The following KPNA4 variants were observed in gnomAD, a reference collection of about 807,000 sequenced individuals.
KPNA4 encodes the protein karyopherin subunit alpha 4.
In KPNA4, 13 loss-of-function variants were observed where a neutral mutation model predicts 71.3. The observed-to-expected ratio is 0.18, with a 90% confidence interval of 0.12 to 0.29. The LOEUF is 0.29. Ranked by LOEUF, KPNA4 falls within the 10% of genes least tolerant of loss-of-function variation. The pLI, the probability that KPNA4 is intolerant of heterozygous loss-of-function variation, is 1.00. For synonymous variants in KPNA4, 189 were observed against 195.2 expected (o/e 0.97, Z 0.26); for missense variants, 334 against 603.2 (o/e 0.55, Z 4.67).
At chr3:160,523,780 G>T (rs1721406474) in intron 10 of KPNA4, among the ~76,000 whole-genome samples, 1 of 152,148 alleles carries the variant, frequency 6.6e-6, no homozygotes, top group Admixed American at 6.5e-5. Flanking sequence ...GAACCCAGGA[G>T]GCAGAGGTTG....
intron 1 of KPNA4, among the ~76,000 whole-genome samples, chr3:160,551,481 AG>A (rs1315600410): frequency 1.3e-5 from 2 of 152,176 alleles, no homozygotes; most frequent in Non-Finnish European, 2.9e-5. Flanking sequence ...AGAAACGGCA[AG>A]GTAAAGGGGA....
intron 1 of KPNA4, among the ~76,000 whole-genome samples, chr3:160,537,894 A>G (rs1457159885): frequency 6.6e-6 from 1 of 151,932 alleles, no homozygotes; most frequent in Admixed American, 6.6e-5. Flanking sequence ...CCAACGTACC[A>G]TTATCTCTCA....
chr3:160,502,293 A>C, intron 16 of KPNA4, 91 bp from the exon 17 acceptor site: 1 of 487,134 alleles, frequency 2.1e-6, no homozygotes, highest in Non-Finnish European at 3.4e-6. Flanking sequence ...CCTTAAAAAA[A>C]GGTCTGGAGA....
Position 160,502,047 on chromosome 3 carries a change from C to A in KPNA4, c.*57G>T. The stretch of plus-strand genomic sequence containing the variant: ...GTATATATATATATATATACACACA[C>A]ACATATATATATATATATCTCAGTG... On this transcript the variant is annotated 3_prime_UTR_variant, in exon 17 of 17. Coordinates refer to ENST00000334256, the MANE Select transcript of KPNA4 (RefSeq NM_002268.5). 1 of 593,562 alleles carries A rather than the reference C, an allele frequency of 1.7e-6. No individual in the cohort carries two copies. The highest frequency in any genetic ancestry group is 2.8e-6 in the Non-Finnish European group (1 of 353,348). 36.8% of individuals were successfully genotyped at this position (593,562 alleles called of 1,614,324 possible).
chr3:160,523,149 A>G (rs751703411), intron 10 of KPNA4, among the ~76,000 whole-genome samples: 1 of 152,238 alleles, frequency 6.6e-6, no homozygotes, highest in Non-Finnish European at 1.5e-5. Flanking sequence ...CTGTGTCAAG[A>G]CAAGCTGGAG....
intron 1 of KPNA4, among the ~76,000 whole-genome samples, chr3:160,539,101 C>T (rs1721745858): frequency 6.6e-6 from 1 of 152,176 alleles, no homozygotes; most frequent in East Asian, 1.9e-4. Flanking sequence ...ACCTGCAGTG[C>T]TCAGTTCCTT....
At chr3:160,528,851 CTTCT>C (rs1021757421) in intron 7 of KPNA4, among the ~76,000 whole-genome samples, 5 of 152,228 alleles carry the variant, frequency 3.3e-5, no homozygotes, top group Non-Finnish European at 7.3e-5. Flanking sequence ...TTCTTCTTTC[CTTCT>C]GATATTACTT....
chr3:160,562,346 A>G (rs1722259549), intron 1 of KPNA4, among the ~76,000 whole-genome samples: 1 of 152,214 alleles, frequency 6.6e-6, no homozygotes, highest in Non-Finnish European at 1.5e-5. Flanking sequence ...TCACTGGTCC[A>G]TACTTCTTTC....
chr3:160,528,999 G>A (rs1444330764), intron 7 of KPNA4, among the ~76,000 whole-genome samples: 1 of 152,094 alleles, frequency 6.6e-6, no homozygotes, highest in East Asian at 1.9e-4. Flanking sequence ...GTCACCACAG[G>A]TCACTGCAGC....
intron 5 of KPNA4, among the ~76,000 whole-genome samples, chr3:160,533,330 A>G (rs1254992215): frequency 6.6e-6 from 1 of 151,864 alleles, no homozygotes. Flanking sequence ...CCAGCCCCCT[A>G]TTTTTTAAAA....
chr3:160,535,546 T>C lies in KPNA4; in HGVS notation c.254A>G (p.Gln85Arg). 6.2e-7 allele frequency: 1 copy of C among 1,601,956 alleles called. No homozygotes were observed. Among genetic ancestry groups the C allele is most frequent in the Non-Finnish European group, 8.5e-7 (1 of 1,173,694 alleles). ...TTGAACTGCACTTAATTGAATTCCT[T>C]GGTTATCACTTGAAGCATTCTATAA... ...AIVQNASSDNQGIQLSAVQAA... is the reference protein window; with the variant it reads ...AIVQNASSDNRGIQLSAVQAA... The change falls in exon 5 of 17, where the codon CAA (glutamine) becomes CGA (arginine). Residue 85 changes from glutamine to arginine, a missense_variant. Transcript: ENST00000334256.
At chr3:160,523,659 C>T (rs566036881) in intron 10 of KPNA4, among the ~76,000 whole-genome samples, 1 of 152,146 alleles carries the variant, frequency 6.6e-6, no homozygotes, top group East Asian at 1.9e-4. Flanking sequence ...ACCAGCCTGG[C>T]CAACATAGTG....
intron 1 of KPNA4, among the ~76,000 whole-genome samples, chr3:160,560,532 A>G (rs1020808469): frequency 6.6e-6 from 1 of 151,372 alleles, no homozygotes; most frequent in Non-Finnish European, 1.5e-5. Flanking sequence ...ACATTTAAAA[A>G]TATTTTAAGG....
At chr3:160,544,340 A>G (rs1721864425) in intron 1 of KPNA4, among the ~76,000 whole-genome samples, 1 of 152,258 alleles carries the variant, frequency 6.6e-6, no homozygotes, top group African/African-American at 2.4e-5. Context: ...ACACTGCAAG[A>G]TAAACTTTCA....
intron 8 of KPNA4, 99 bp downstream of exon 8, chr3:160,527,854 G>T: frequency 1.2e-6 from 1 of 811,548 alleles, no homozygotes; most frequent in Non-Finnish European, 2.0e-6. Context: ...AACTAGTACT[G>T]AAGGCAAACT....
chr3:160,546,422 G>A (rs538367443), intron 1 of KPNA4, among the ~76,000 whole-genome samples: 1 of 152,270 alleles, frequency 6.6e-6, no homozygotes, highest in South Asian at 2.1e-4. Context: ...GGAGGCAGAG[G>A]GAGGAGAATC....
At chr3:160,547,950 A>G (rs903809547) in intron 1 of KPNA4, among the ~76,000 whole-genome samples, 4 of 152,194 alleles carry the variant, frequency 2.6e-5, no homozygotes, top group African/African-American at 7.2e-5. Flanking sequence ...CAATTTATCC[A>G]TTTACCTACT....
At chr3:160,506,444 T>A (rs1720985929) in intron 15 of KPNA4, among the ~76,000 whole-genome samples, 1 of 152,142 alleles carries the variant, frequency 6.6e-6, no homozygotes, top group African/African-American at 2.4e-5. Flanking sequence ...GTGCTGGGAT[T>A]ACAGGTGTGA....
chr3:160,562,801 C>G (rs1412932266), intron 1 of KPNA4, among the ~76,000 whole-genome samples: 1 of 151,992 alleles, frequency 6.6e-6, no homozygotes, highest in Non-Finnish European at 1.5e-5. Context: ...CAAAACAAAA[C>G]AAAAAAACCT....
Sources: allele counts gnomAD v4.1 joint callset (sites outside exome capture counted in the v4.1 genomes callset), GRCh38; gene constraint gnomAD v4.1.1; transcripts MANE v1.5; gene names NCBI Gene and HGNC (gene_info 2026-07-23, HGNC 2026-07-21).